BNC2: variants seen among roughly 807,000 people sequenced by gnomAD.
The protein encoded by BNC2 is zinc finger protein basonuclin-2.
In BNC2, 20 loss-of-function variants were observed where a neutral mutation model predicts 76.3. The observed-to-expected ratio is 0.26, with a 90% CI of 0.18 to 0.38. The LOEUF (loss-of-function observed/expected upper bound fraction) is 0.38, where lower values mean the gene tolerates loss of function less well. BNC2 is among the 10% of genes least tolerant of loss of function. The pLI is 1.00. For synonymous variants in BNC2, 582 were observed against 514.8 expected (o/e 1.13, Z -1.77); for missense variants, 1,382 against 1,399.8 (o/e 0.99, Z 0.20).
chr9:16,663,323 G>A (rs944681295), intron 3 of BNC2, among the ~76,000 whole-genome samples: 1 of 151,896 alleles, frequency 6.6e-6, no homozygotes, highest in African/African-American at 2.4e-5. Context: ...AGTAGAGACA[G>A]GGTTTCACCA....
intron 1 of BNC2, among the ~76,000 whole-genome samples, chr9:16,777,524 C>G (rs934901944): frequency 5.9e-5 from 9 of 151,964 alleles, no homozygotes; most frequent in Non-Finnish European, 1.0e-4. Flanking sequence ...CACAGTGAAA[C>G]CCCGTCTCCA....
At chr9:16,664,873 T>G (rs1259370758) in intron 3 of BNC2, among the ~76,000 whole-genome samples, 5 of 146,220 alleles carry the variant, frequency 3.4e-5, no homozygotes, top group African/African-American at 1.0e-4. Flanking sequence ...ACCTATACCA[T>G]AAGCATTGTG....
intron 3 of BNC2, among the ~76,000 whole-genome samples, chr9:16,604,607 G>C (rs1024916251): frequency 6.6e-6 from 1 of 152,060 alleles, no homozygotes; most frequent in Non-Finnish European, 1.5e-5. Context: ...GACCAGCCTG[G>C]CCAACATGGC....
At position 16,727,906 on chromosome 9, in the gene BNC2, C is replaced by G. The variant is rs1009218937; in HGVS notation, c.221G>C (p.Cys74Ser). 1.9e-6 allele frequency: 3 copies of G among 1,614,014 alleles called. No individual in the cohort carries two copies. The highest frequency in any genetic ancestry group is 1.7e-5 in the Admixed American group (1 of 60,004). ...TCCGAACTGCATGGAGTTGTCAGTA[C>G]AGGAGTCTCTTAAAGTCAAGTCTCT... ...RARDLTLRDS[C>S]TDNSMQFGTR... The change falls in exon 3 of 7, where the codon TGT (cysteine) becomes TCT (serine). Residue 74 changes from cysteine (C) to serine (S), a missense_variant. Around this residue, in one of 3 missense-constraint regions of BNC2, gnomAD observed 557 missense variants for 540.9 expected, o/e 1.03. Transcript: ENST00000380672.
intron 3 of BNC2, among the ~76,000 whole-genome samples, chr9:16,601,414 G>T (rs555452077): frequency 2.0e-5 from 3 of 152,186 alleles, no homozygotes; most frequent in Non-Finnish European, 4.4e-5. Context: ...AGACACAAAT[G>T]CAAGAAGATG....
chr9:16,573,683 G>A (rs1486660339), intron 4 of BNC2, among the ~76,000 whole-genome samples: 2 of 152,152 alleles, frequency 1.3e-5, no homozygotes, highest in African/African-American at 4.8e-5. Flanking sequence ...GGGTACCAGG[G>A]AGCAGCTGAA....
At chr9:16,754,458 C>A (rs1825316845) in intron 1 of BNC2, among the ~76,000 whole-genome samples, 1 of 152,192 alleles carries the variant, frequency 6.6e-6, no homozygotes, top group Non-Finnish European at 1.5e-5. Flanking sequence ...CTATTTTAAT[C>A]CAGATCTAAA....
At chr9:16,500,416 G>C (rs906524254) in intron 5 of BNC2, among the ~76,000 whole-genome samples, 2 of 152,060 alleles carry the variant, frequency 1.3e-5, no homozygotes, top group African/African-American at 4.8e-5. Flanking sequence ...TATGAAAGCT[G>C]ATAGCAAGAA....
At chr9:16,574,354 C>T (rs1819424057) in intron 4 of BNC2, among the ~76,000 whole-genome samples, 1 of 152,144 alleles carries the variant, frequency 6.6e-6, no homozygotes, top group South Asian at 2.1e-4. Context: ...AGCCTTAATC[C>T]TACCTAAAAT....
intron 3 of BNC2, among the ~76,000 whole-genome samples, chr9:16,631,031 G>A (rs985211049): frequency 4.6e-5 from 7 of 152,148 alleles, no homozygotes; most frequent in African/African-American, 1.7e-4. Context: ...GAGCCACCAT[G>A]TCCGGCCTGG....
intron 1 of BNC2, among the ~76,000 whole-genome samples, chr9:16,807,351 C>T (rs751185153): frequency 1.7e-4 from 26 of 152,170 alleles, no homozygotes; most frequent in Non-Finnish European, 2.6e-4. Context: ...AGGACAGAAA[C>T]TATCATTTTA....
At chr9:16,457,807 G>A (rs577789873) in intron 5 of BNC2, among the ~76,000 whole-genome samples, 6 of 152,314 alleles carry the variant, frequency 3.9e-5, no homozygotes, top group East Asian at 1.9e-4. Context: ...CCAGCCAAGG[G>A]CCAACCTGGC....
At chr9:16,714,307 G>A (rs778620182) in intron 3 of BNC2, among the ~76,000 whole-genome samples, 3 of 152,102 alleles carry the variant, frequency 2.0e-5, no homozygotes, top group Non-Finnish European at 4.4e-5. Context: ...CATCTAAAGG[G>A]GTATATTCTT....
intron 1 of BNC2, among the ~76,000 whole-genome samples, chr9:16,869,336 C>A (rs1586949177): frequency 6.6e-6 from 1 of 152,166 alleles, no homozygotes; most frequent in African/African-American, 2.4e-5. Context: ...TGGGAACCAT[C>A]ATAAATCGCA....
At chr9:16,446,461 A>G (rs1258689248) in intron 5 of BNC2, among the ~76,000 whole-genome samples, 2 of 151,974 alleles carry the variant, frequency 1.3e-5, no homozygotes, top group African/African-American at 4.8e-5. Flanking sequence ...AATATTTATA[A>G]TTTTTTTCTG....
At chr9:16,480,885 G>A (rs1225003311) in intron 5 of BNC2, among the ~76,000 whole-genome samples, 2 of 152,224 alleles carry the variant, frequency 1.3e-5, no homozygotes, top group Non-Finnish European at 2.9e-5. Flanking sequence ...CAAGGGCTGA[G>A]GAGTGCGAGC....
chr9:16,459,198 T>A (rs1821520092), intron 5 of BNC2, among the ~76,000 whole-genome samples: 1 of 152,204 alleles, frequency 6.6e-6, no homozygotes, highest in African/African-American at 2.4e-5. Context: ...GCCTGTGTCC[T>A]AGCATGCATT....
intron 1 of BNC2, among the ~76,000 whole-genome samples, chr9:16,851,503 C>T (rs564357358): frequency 1.3e-5 from 2 of 152,128 alleles, no homozygotes; most frequent in East Asian, 3.9e-4. Context: ...GAGACCCTGT[C>T]TCAAAAAAAT....
At chr9:16,709,596 C>G (rs1252723524) in intron 3 of BNC2, among the ~76,000 whole-genome samples, 1 of 152,178 alleles carries the variant, frequency 6.6e-6, no homozygotes, top group African/African-American at 2.4e-5. Flanking sequence ...GGGACTATTT[C>G]TTTCTCAAGA....
Sources: allele counts gnomAD v4.1 joint callset (sites outside exome capture counted in the v4.1 genomes callset), GRCh38; gene constraint gnomAD v4.1.1; regional missense constraint gnomAD v4.1.1; transcripts MANE v1.5; gene names NCBI Gene and HGNC (gene_info 2026-07-23, HGNC 2026-07-21).